Variants in C12orf42 observed in about 807,000 individuals in gnomAD.
The protein encoded by C12orf42 is chromosome 12 open reading frame 42.
Under a neutral mutation model 21.6 loss-of-function variants are expected in C12orf42, and 25 were observed. The ratio of observed to expected loss-of-function variants is 1.16; its 90% CI spans 0.84 to 1.62. The LOEUF (loss-of-function observed/expected upper bound fraction) is 1.62. Among genes scored for constraint, C12orf42 ranks in the 40% most tolerant of loss-of-function variants. The pLI is 0.00. For missense variants in C12orf42, 483 were observed against 459.3 expected (o/e 1.05, Z -0.47); for synonymous variants, 174 against 175.0 (o/e 0.99, Z 0.05).
chr12:103,110,179 A>C, the C12orf42 span, among the ~76,000 whole-genome samples: 1 of 152,248 alleles, frequency 6.6e-6, no homozygotes, highest in Non-Finnish European at 1.5e-5. Flanking sequence ...CAGAGGATAA[A>C]CAAATGCATT....
chr12:103,283,619 A>C (rs1428668300), intron 4 of C12orf42, among the ~76,000 whole-genome samples: 1 of 152,158 alleles, frequency 6.6e-6, no homozygotes, highest in Non-Finnish European at 1.5e-5. Flanking sequence ...CAGCGCTCAC[A>C]TCTGAAATAC....
intron 4 of C12orf42, among the ~76,000 whole-genome samples, chr12:103,338,018 A>G (rs1255497465): frequency 6.6e-6 from 1 of 152,166 alleles, no homozygotes; most frequent in African/African-American, 2.4e-5. Flanking sequence ...ATAAATGACT[A>G]CACCCTTTTA....
At chr12:103,205,959 G>A in the C12orf42 span, among the ~76,000 whole-genome samples, 1 of 152,154 alleles carries the variant, frequency 6.6e-6, no homozygotes, top group Non-Finnish European at 1.5e-5. Flanking sequence ...GTGGTTCCAG[G>A]ATTCCCTCTT....
At chr12:103,491,505 C>A (rs1198187322) in intron 1 of C12orf42, among the ~76,000 whole-genome samples, 1 of 152,142 alleles carries the variant, frequency 6.6e-6, no homozygotes, top group African/African-American at 2.4e-5. Flanking sequence ...ATCTAATGGA[C>A]CAAATTTAGC....
the C12orf42 span, among the ~76,000 whole-genome samples, chr12:103,196,804 G>A: frequency 2.6e-5 from 4 of 152,024 alleles, no homozygotes; most frequent in South Asian, 8.3e-4. Context: ...TGAGCTTACA[G>A]GTGTCATTGA....
the C12orf42 span, among the ~76,000 whole-genome samples, chr12:103,507,273 TTA>T: frequency 0.17 from 8,438 of 49,720 alleles, 2,063 homozygotes; most frequent in East Asian, 0.48. Flanking sequence ...AATATATATA[TTA>T]TATATATTTT....
the C12orf42 span, chr12:103,505,371 A>G: frequency 3.3e-6 from 1 of 306,432 alleles, no homozygotes; most frequent in Non-Finnish European, 6.1e-6. Context: ...AGAGGAAAAT[A>G]AGAAGGCTGC....
At chr12:103,497,238 G>C (rs1955585634), upstream of C12orf42, among the ~76,000 whole-genome samples, 1 of 152,286 alleles carries the variant, frequency 6.6e-6, no homozygotes, top group East Asian at 1.9e-4. Flanking sequence ...AGGGGAAAAG[G>C]TTTGTATGTA....
At chr12:103,149,452 G>C in the C12orf42 span, among the ~76,000 whole-genome samples, 1 of 152,096 alleles carries the variant, frequency 6.6e-6, no homozygotes, top group Non-Finnish European at 1.5e-5. Context: ...ATGTCCCTTT[G>C]CCTTCTGTAA....
At chr12:103,476,425 A>T (rs1954056927) in intron 2 of C12orf42, among the ~76,000 whole-genome samples, 1 of 152,210 alleles carries the variant, frequency 6.6e-6, no homozygotes, top group Non-Finnish European at 1.5e-5. Flanking sequence ...TCCCATAATG[A>T]GTCCAAAAAC....
chr12:103,423,461 T>C (rs1278098325), intron 2 of C12orf42, among the ~76,000 whole-genome samples: 2 of 152,244 alleles, frequency 1.3e-5, no homozygotes, highest in African/African-American at 4.8e-5. Context: ...GCTTGAATCA[T>C]GAATCTTTAA....
the C12orf42 span, among the ~76,000 whole-genome samples, chr12:103,174,690 T>C: frequency 6.6e-6 from 1 of 152,172 alleles, no homozygotes; most frequent in Non-Finnish European, 1.5e-5. Context: ...AATCGAAGTA[T>C]ATCAAAATTA....
At chr12:103,560,211 A>G in the C12orf42 span, among the ~76,000 whole-genome samples, 2 of 152,226 alleles carry the variant, frequency 1.3e-5, no homozygotes, top group African/African-American at 4.8e-5. Context: ...CCAAAGTGAC[A>G]AACAAATTAG....
At chr12:103,157,893 A>T in the C12orf42 span, among the ~76,000 whole-genome samples, 1 of 152,192 alleles carries the variant, frequency 6.6e-6, no homozygotes, top group Non-Finnish European at 1.5e-5. Context: ...CAGAAACATG[A>T]CCATATATGT....
In C12orf42 at chr12:103,346,447, T is replaced by C. The variant is rs564453565; in HGVS notation, c.259+22440A>G. 4.6e-5 allele frequency among the ~76,000 whole-genome samples: 7 copies of C among 152,346 alleles called. No homozygotes were observed. In the South Asian group the frequency reaches 1.2e-3, roughly 27 times the overall value. ...GGGTAAAAAATGTGTATATTTATGG[T>C]ATACAATATGAGGTACCAGCACAGG... On this transcript the variant is annotated intron_variant, in intron 4 of 5. Transcript: ENST00000548883.
At chr12:103,155,675 C>T in the C12orf42 span, among the ~76,000 whole-genome samples, 1 of 151,454 alleles carries the variant, frequency 6.6e-6, no homozygotes, top group Non-Finnish European at 1.5e-5. Context: ...CATATATATA[C>T]ATACATATGT....
intron 4 of C12orf42, among the ~76,000 whole-genome samples, chr12:103,366,126 A>G (rs1382667164): frequency 6.6e-6 from 1 of 151,838 alleles, no homozygotes; most frequent in African/African-American, 2.4e-5. Flanking sequence ...ACATAGACCA[A>G]TGGAACAGAA....
At chr12:103,410,797 A>G (rs912012151) in intron 2 of C12orf42, among the ~76,000 whole-genome samples, 2 of 152,238 alleles carry the variant, frequency 1.3e-5, no homozygotes, top group African/African-American at 4.8e-5. Flanking sequence ...GATTAAAAGT[A>G]GAAGACTCTG....
At chr12:103,332,589 C>T (rs1188509648) in intron 4 of C12orf42, among the ~76,000 whole-genome samples, 1 of 152,212 alleles carries the variant, frequency 6.6e-6, no homozygotes, top group Non-Finnish European at 1.5e-5. Context: ...TTGTCTATCT[C>T]CAGATCAATA....
Sources: allele counts gnomAD v4.1 joint callset (sites outside exome capture counted in the v4.1 genomes callset), GRCh38; gene constraint gnomAD v4.1.1; transcripts MANE v1.5; gene names NCBI Gene and HGNC (gene_info 2026-07-23, HGNC 2026-07-21).